PDE1A: variants seen among roughly 807,000 people sequenced by gnomAD.
The protein encoded by PDE1A is phosphodiesterase 1A, also known as dual specificity calcium/calmodulin-dependent 3',5'-cyclic nucleotide phosphodiesterase 1A.
PDE1A carries 35 observed loss-of-function variants against 61.7 expected under a neutral mutation model. That is an observed-to-expected ratio of 0.57 (90% CI 0.43 to 0.75). PDE1A has a LOEUF of 0.75. PDE1A is among the 30% of genes least tolerant of loss of function. PDE1A has a pLI of 0.00. For missense variants in PDE1A, 597 were observed against 630.6 expected, an observed-to-expected ratio of 0.95 and a Z score of 0.57; for synonymous variants, 232 against 213.2, an observed-to-expected ratio of 1.09 and a Z score of -0.77.
intron 2 of PDE1A, among the ~76,000 whole-genome samples, chr2:182,516,774 AAAG>A (rs1248719511): frequency 7.0e-6 from 1 of 142,860 alleles, no homozygotes; most frequent in Non-Finnish European, 1.5e-5. Context: ...AGAAAGAAAG[AAAG>A]AAAGAAAAAG....
the PDE1A span, among the ~76,000 whole-genome samples, chr2:182,665,372 G>GA: frequency 6.6e-6 from 1 of 151,782 alleles, no homozygotes; most frequent in Admixed American, 6.6e-5. Context: ...AAATTTACAG[G>GA]AAAAAAAGAA....
chr2:182,519,200 A>G (rs1185460749), intron 2 of PDE1A, among the ~76,000 whole-genome samples: 3 of 152,096 alleles, frequency 2.0e-5, no homozygotes, highest in African/African-American at 7.2e-5. Context: ...CTGAATCAGA[A>G]ATTTCATTTG....
At chr2:182,605,018 T>TGG in the PDE1A span, among the ~76,000 whole-genome samples, 1 of 48,536 alleles carries the variant, frequency 2.1e-5, no homozygotes, top group African/African-American at 1.1e-4. Context: ...AGTCTCTGGG[T>TGG]GGGGGCCTGA....
At chr2:182,538,266 CCTT>C in the PDE1A span, among the ~76,000 whole-genome samples, 1 of 152,096 alleles carries the variant, frequency 6.6e-6, no homozygotes, top group Non-Finnish European at 1.5e-5. Context: ...GTGTGTTGCT[CCTT>C]CTCAAATATA....
chr2:182,408,787 A>G (rs1432087478), intron 1 of PDE1A, among the ~76,000 whole-genome samples: 1 of 152,230 alleles, frequency 6.6e-6, no homozygotes, highest in Non-Finnish European at 1.5e-5. Context: ...GTTACCAACA[A>G]AAAACATCAA....
At chr2:182,561,506 T>C in the PDE1A span, among the ~76,000 whole-genome samples, 1 of 152,198 alleles carries the variant, frequency 6.6e-6, no homozygotes, top group Admixed American at 6.5e-5. Flanking sequence ...TCCAGCTTTG[T>C]TCTTTTGGCT....
chr2:182,322,557 C>T (rs949725561), intron 1 of PDE1A, among the ~76,000 whole-genome samples: 1 of 152,172 alleles, frequency 6.6e-6, no homozygotes, highest in Non-Finnish European at 1.5e-5. Flanking sequence ...CATTAAACCT[C>T]TTTTTCTTTA....
intron 2 of PDE1A, among the ~76,000 whole-genome samples, chr2:182,482,625 A>G (rs896279634): frequency 6.6e-6 from 1 of 151,994 alleles, no homozygotes; most frequent in African/African-American, 2.4e-5. Flanking sequence ...TTCACCAGAA[A>G]CTATGGAATG....
intron 1 of PDE1A, among the ~76,000 whole-genome samples, chr2:182,401,972 G>A (rs1053454085): frequency 1.3e-5 from 2 of 152,140 alleles, no homozygotes; most frequent in Non-Finnish European, 2.9e-5. Context: ...TACAAGGGAT[G>A]AGAAGGACCT....
intron 1 of PDE1A, among the ~76,000 whole-genome samples, chr2:182,386,124 G>A (rs1372121089): frequency 6.6e-6 from 1 of 152,212 alleles, no homozygotes; most frequent in Non-Finnish European, 1.5e-5. Context: ...CGGGATTGCG[G>A]ACGGAGTCTC....
At chr2:182,506,642 C>A (rs1431227627) in intron 2 of PDE1A, among the ~76,000 whole-genome samples, 2 of 152,164 alleles carry the variant, frequency 1.3e-5, no homozygotes, top group Non-Finnish European at 2.9e-5. Flanking sequence ...GAAAGATAAT[C>A]TTATACTGGA....
At chr2:182,154,951 G>GA (rs1245981739) in intron 13 of PDE1A, among the ~76,000 whole-genome samples, 1 of 148,186 alleles carries the variant, frequency 6.7e-6, no homozygotes, top group African/African-American at 2.5e-5. Context: ...AAGAATGTCA[G>GA]AAAAAAACAA....
the PDE1A span, among the ~76,000 whole-genome samples, chr2:182,646,754 T>A: frequency 6.6e-6 from 1 of 151,514 alleles, no homozygotes; most frequent in Non-Finnish European, 1.5e-5. Context: ...AACATAAGTA[T>A]AACCCAATTA....
the PDE1A span, among the ~76,000 whole-genome samples, chr2:182,648,387 C>T: frequency 4.0e-5 from 6 of 151,344 alleles, no homozygotes; most frequent in Non-Finnish European, 8.8e-5. Flanking sequence ...AGTAATAAGT[C>T]CAGGCTGGGC....
chr2:182,426,909 C>T, exon 1 of PDE1A: 1 of 1,211,000 alleles, frequency 8.3e-7, no homozygotes, highest in Non-Finnish European at 1.0e-6. Context: ...AAGAGAAGTG[C>T]ACGGGACCCT....
chr2:182,555,965 CAAAAAAAAAAAAAAA>C, the PDE1A span, among the ~76,000 whole-genome samples: 21 of 48,422 alleles, frequency 4.3e-4, no homozygotes, highest in Middle Eastern at 0.021. Context: ...AACTCCATCT[CAAAAAAAAAAAAAAA>C]AAAAAAAAAA....
At chr2:182,146,857 G>A (rs1376063744), downstream of PDE1A, among the ~76,000 whole-genome samples, 2 of 151,986 alleles carry the variant, frequency 1.3e-5, no homozygotes, top group Non-Finnish European at 2.9e-5. Context: ...AACAAATTAA[G>A]AACTATTTGA....
At chr2:182,201,625 C>A in intron 9 of PDE1A, 63 bp downstream of exon 9, 2 of 1,533,032 alleles carry the variant, frequency 1.3e-6, no homozygotes, top group African/African-American at 1.5e-5. Context: ...TTTTCTGAGG[C>A]CAAGCCCCTG....
chr2:182,307,502 A>C (rs534761633), intron 1 of PDE1A, among the ~76,000 whole-genome samples: 1 of 152,286 alleles, frequency 6.6e-6, no homozygotes, highest in Non-Finnish European at 1.5e-5. Context: ...TTGAGCCTCC[A>C]AAGCTGTGAG....
Sources: gnomAD v4.1 joint callset for allele counts (sites outside exome capture counted in the v4.1 genomes callset) on GRCh38, gnomAD v4.1.1 for gene constraint, MANE v1.5 for transcripts, NCBI Gene and HGNC (gene_info 2026-07-23, HGNC 2026-07-21) for gene names.